The following ACBD6 variants were observed in gnomAD, a reference collection of about 807,000 sequenced individuals.
The protein encoded by ACBD6 is acyl-CoA binding domain containing 6, also known as acyl-CoA-binding domain-containing protein 6.
A neutral mutation model predicts 37.2 loss-of-function variants in ACBD6; 28 were observed. The ratio of observed to expected loss-of-function variants is 0.75; its 90% CI spans 0.56 to 1.03. The LOEUF (loss-of-function observed/expected upper bound fraction) is 1.03. Ranked by LOEUF, ACBD6 falls within the 50% of genes least tolerant of loss-of-function variation. ACBD6 has a pLI of 0.00. For synonymous variants in ACBD6, 113 were observed against 126.8 expected (o/e 0.89, Z 0.73); for missense variants, 340 against 337.4 (o/e 1.01, Z -0.06).
At chr1:180,407,705 T>TA (rs1347147991) in intron 5 of ACBD6, among the ~76,000 whole-genome samples, 2 of 152,194 alleles carry the variant, frequency 1.3e-5, no homozygotes, top group African/African-American at 4.8e-5. Flanking sequence ...TTTGAGCAAG[T>TA]AAATGTAGGT....
chr1:180,370,221 G>T (rs1457887195), intron 6 of ACBD6, among the ~76,000 whole-genome samples: 1 of 152,148 alleles, frequency 6.6e-6, no homozygotes, highest in South Asian at 2.1e-4. Context: ...CAAAAGAGGG[G>T]GGTTTAAAGG....
At chr1:180,336,828 C>T (rs1367143719) in intron 6 of ACBD6, among the ~76,000 whole-genome samples, 4 of 151,862 alleles carry the variant, frequency 2.6e-5, no homozygotes, top group African/African-American at 4.8e-5. Context: ...GGGGACATCA[C>T]CACCAATCCC....
At chr1:180,355,258 A>G (rs1363383866) in intron 6 of ACBD6, among the ~76,000 whole-genome samples, 1 of 152,198 alleles carries the variant, frequency 6.6e-6, no homozygotes, top group African/African-American at 2.4e-5. Flanking sequence ...CAGAGTCAGA[A>G]CTTAGAAGGT....
intron 6 of ACBD6, among the ~76,000 whole-genome samples, chr1:180,389,591 T>G (rs961243203): frequency 4.6e-5 from 7 of 152,220 alleles, no homozygotes; most frequent in African/African-American, 7.2e-5. Flanking sequence ...ACTTCCACAA[T>G]GGTTGAACTA....
chr1:180,425,954 A>G (rs1365656020), intron 4 of ACBD6, among the ~76,000 whole-genome samples: 1 of 152,194 alleles, frequency 6.6e-6, no homozygotes, highest in Non-Finnish European at 1.5e-5. Context: ...CAATGAAAAG[A>G]TATTTGGGAA....
chr1:180,430,841 A>G (rs1304581147), intron 3 of ACBD6, among the ~76,000 whole-genome samples: 4 of 152,178 alleles, frequency 2.6e-5, no homozygotes, highest in Non-Finnish European at 5.9e-5. Context: ...TTGCCCCTCT[A>G]TGTTCTCAAA....
At chr1:180,325,158 G>A (rs1651206675) in intron 6 of ACBD6, among the ~76,000 whole-genome samples, 1 of 152,084 alleles carries the variant, frequency 6.6e-6, no homozygotes, top group African/African-American at 2.4e-5. Context: ...GAAGTTCTCT[G>A]ACACTATCCC....
chr1:180,348,936 G>A (rs774882762), intron 6 of ACBD6, among the ~76,000 whole-genome samples: 1 of 151,916 alleles, frequency 6.6e-6, no homozygotes, highest in South Asian at 2.1e-4. Context: ...TTTCTCTCAG[G>A]TTAATAGGAC....
At chr1:180,467,570 A>G (rs1385151149) in intron 3 of ACBD6, among the ~76,000 whole-genome samples, 1 of 151,876 alleles carries the variant, frequency 6.6e-6, no homozygotes. Flanking sequence ...AGAACCACTT[A>G]AGCCCAGAAG....
intron 8 of ACBD6, among the ~76,000 whole-genome samples, chr1:180,281,674 C>T (rs1171386261): frequency 6.6e-6 from 1 of 152,032 alleles, no homozygotes; most frequent in East Asian, 1.9e-4. Flanking sequence ...ACTGATCAAG[C>T]TCTGTATGGA....
chr1:180,371,201 A>AAT (rs538563723), intron 6 of ACBD6, among the ~76,000 whole-genome samples: 11 of 151,602 alleles, frequency 7.3e-5, no homozygotes, highest in South Asian at 2.1e-4. Context: ...AAAGAGATCA[A>AAT]ATATATATAT....
At chr1:180,444,192 A>G (rs1312638335) in intron 3 of ACBD6, among the ~76,000 whole-genome samples, 2 of 151,762 alleles carry the variant, frequency 1.3e-5, no homozygotes, top group Non-Finnish European at 2.9e-5. Flanking sequence ...TTTCACTCAT[A>G]AACAGACATA....
In ACBD6 at chr1:180,471,219, G is replaced by A. The variant is rs551302489; in HGVS notation, c.384+21050C>T. ...GTTCAAGACCAACCTGGACAACACGGCAAAACCATGTCTCTACAAAAAAAT... is the reference window on the plus strand; with the variant it reads ...GTTCAAGACCAACCTGGACAACACGACAAAACCATGTCTCTACAAAAAAAT... On this transcript the variant is annotated intron_variant, in intron 3 of 7. Coordinates refer to ENST00000367595, the MANE Select transcript of ACBD6 (RefSeq NM_032360.4). Among the ~76,000 whole-genome samples the A allele has an allele frequency of 2.0e-5, 3 of 152,128 alleles. No homozygotes were observed. The South Asian group carries it at 6.2e-4, about 32-fold the overall frequency.
At chr1:180,375,953 C>T (rs1282795593) in intron 6 of ACBD6, among the ~76,000 whole-genome samples, 2 of 152,002 alleles carry the variant, frequency 1.3e-5, no homozygotes, top group African/African-American at 4.8e-5. Flanking sequence ...GGTTAATATC[C>T]ATGGTATATA....
intron 3 of ACBD6, among the ~76,000 whole-genome samples, chr1:180,433,574 CTGTGTGTG>C (rs61101474): frequency 0.019 from 2,836 of 149,772 alleles, 39 homozygotes; most frequent in African/African-American, 0.031. Flanking sequence ...TGGTGTTATG[CTGTGTGTG>C]TGTGTGTGTG....
chr1:180,485,967 TG>T (rs1209333348), intron 3 of ACBD6, among the ~76,000 whole-genome samples: 1 of 151,978 alleles, frequency 6.6e-6, no homozygotes. Flanking sequence ...ATGATTTTAA[TG>T]GATTTTTATA....
At chr1:180,369,565 C>T (rs1653179327) in intron 6 of ACBD6, among the ~76,000 whole-genome samples, 1 of 152,144 alleles carries the variant, frequency 6.6e-6, no homozygotes, top group Non-Finnish European at 1.5e-5. Context: ...ATACCTTCTA[C>T]TACAGTTTAA....
At position 180,411,648 on chromosome 1, in the gene ACBD6, C is replaced by G. The variant is rs1168867752; in HGVS notation, c.573+1718G>C. Among the ~76,000 whole-genome samples, 13 of 152,148 alleles carry G rather than the reference C, an allele frequency of 8.5e-5. No individual in the cohort carries two copies. In the East Asian group the frequency reaches 2.5e-3, roughly 29 times the overall value. On this transcript the variant is annotated intron_variant, in intron 5 of 7. Coordinates refer to ENST00000367595, the MANE Select transcript of ACBD6 (RefSeq NM_032360.4). ...ACTCTACACTTAATAAACTACAGTA[C>G]AGTGTAAACACAACTTTTTTGTTTG... is the stretch of plus-strand genomic sequence containing the variant.
chr1:180,272,269 C>T (rs1030866500), intron 13 of ACBD6, among the ~76,000 whole-genome samples: 4 of 152,148 alleles, frequency 2.6e-5, no homozygotes, highest in Admixed American at 1.3e-4. Context: ...CCCCTCCCCT[C>T]CTGCTGACTG....
Sources: allele counts gnomAD v4.1 joint callset (sites outside exome capture counted in the v4.1 genomes callset), GRCh38; gene constraint gnomAD v4.1.1; transcripts MANE v1.5; gene names NCBI Gene and HGNC (gene_info 2026-07-23, HGNC 2026-07-21).